Variants in PSME3IP1 observed in about 807,000 individuals in gnomAD.
PSME3IP1 encodes the protein PSME3-interacting protein.
In PSME3IP1, 13 loss-of-function variants were observed where a neutral mutation model predicts 34.1. The ratio of observed to expected loss-of-function variants is 0.38; its 90% CI spans 0.25 to 0.61. PSME3IP1 has a LOEUF of 0.61. Among genes scored for constraint, PSME3IP1 ranks in the 20% least tolerant of loss-of-function variants. The pLI is 0.60. For synonymous variants in PSME3IP1, 93 were observed against 114.3 expected (o/e 0.81, Z 1.19); for missense variants, 237 against 301.4 (o/e 0.79, Z 1.58).
At position 57,166,449 on chromosome 16, in the gene PSME3IP1, A is replaced by G. The variant is rs1240014576; in HGVS notation, c.482+644T>C. Among the ~76,000 whole-genome samples the G allele has an allele frequency of 2.0e-5, 3 of 152,168 alleles. No individual in the cohort carries two copies. The East Asian group carries it at 5.8e-4, about 29-fold the overall frequency. The stretch of plus-strand genomic sequence containing the variant: ...GGCTGCCATGTTCTTTCAGGACAGG[A>G]TGCCTTTGCAGCAGCTATTCCCTCT... On this transcript the variant is annotated intron_variant, in intron 5 of 6. Transcript: ENST00000309137.
rs746050635 is a variant in PSME3IP1, at chr16:57,154,525, A to C, written c.548-18T>G. On this transcript the variant is annotated intron_variant, in intron 6 of 6. Transcript: ENST00000309137. This position sits in a 1 kb window ranked among gnomAD's most constrained non-coding sequence, Gnocchi z 4.0. ...TGAGGGCTCTGCAATAAAAGGGGAA[A>C]GACTGTCACTTCATCACCCTTTTCC... 1 of 1,578,628 alleles carries C rather than the reference A, an allele frequency of 6.3e-7. No individual in the cohort carries two copies. The highest frequency in any genetic ancestry group is 1.2e-5 in the South Asian group (1 of 86,100).
rs774716889 is a variant in PSME3IP1, at chr16:57,167,119, C to T, written c.456G>A (p.Leu152=). Residue 152 remains leucine (L), a synonymous_variant, in exon 5 of 7, where the codon CTG becomes CTA. Transcript: ENST00000309137. Reference sequence around the variant, plus strand: ...TCTTATGCTTCACAGCTCCTGCCAACAGCTTCGCCTGGGAGAACTTGTTCT... The same window carrying T: ...TCTTATGCTTCACAGCTCCTGCCAATAGCTTCGCCTGGGAGAACTTGTTCT... ...ETKNKFSQAK[L]LAGAVKHKSS... 5 of 1,613,994 alleles carry T rather than the reference C, an allele frequency of 3.1e-6. No individual in the cohort carries two copies. Among genetic ancestry groups the T allele is most frequent in the Non-Finnish European group, 4.2e-6 (5 of 1,180,038 alleles).
intron 6 of PSME3IP1, 69 bp downstream of exon 6, chr16:57,163,932 G>A (rs1318156830): frequency 7.1e-7 from 1 of 1,413,758 alleles, no homozygotes; most frequent in African/African-American, 1.4e-5. Flanking sequence ...CAGAAGCAAT[G>A]CATTACAGCC....
At chr16:57,172,472 TAA>T in intron 3 of PSME3IP1, 100 bp from the exon 4 acceptor site, 26 of 1,146,750 alleles carry the variant, frequency 2.3e-5, no homozygotes, top group Admixed American at 5.4e-5. Context: ...TTCAGGGGAT[TAA>T]AAAAAAAAGA....
chr16:57,175,846 A>C (rs904879856), intron 1 of PSME3IP1: 2 of 152,232 alleles, frequency 1.3e-5, no homozygotes, highest in African/African-American at 2.4e-5. Context: ...CAACATTTTT[A>C]TTTAGTAAAG....
chr16:57,181,337 AG>A (rs2073692847), intron 1 of PSME3IP1, among the ~76,000 whole-genome samples: 1 of 152,132 alleles, frequency 6.6e-6, no homozygotes, highest in Non-Finnish European at 1.5e-5. Flanking sequence ...GAAAAACAGC[AG>A]TTTTTTCCAA....
chr16:57,164,196 G>GA, intron 5 of PSME3IP1, 131 bp from the exon 6 acceptor site: 1 of 705,630 alleles, frequency 1.4e-6, no homozygotes, highest in South Asian at 1.9e-5. Flanking sequence ...AAAAATGAAT[G>GA]AAAAGTATTC....
intron 5 of PSME3IP1, among the ~76,000 whole-genome samples, chr16:57,164,774 G>A (rs1426465317): frequency 6.6e-6 from 1 of 152,166 alleles, no homozygotes; most frequent in Non-Finnish European, 1.5e-5. Context: ...GCTGACGCCT[G>A]TAATCCCAGC....
intron 4 of PSME3IP1, among the ~76,000 whole-genome samples, chr16:57,168,803 C>CAAAAA (rs1189721344): frequency 4.2e-5 from 1 of 23,900 alleles, no homozygotes; most frequent in Non-Finnish European, 7.5e-5. Flanking sequence ...AACTCTGTCT[C>CAAAAA]AAAAAAAAAA....
chr16:57,174,580 G>A (rs1297580763), intron 1 of PSME3IP1: 87 of 985,174 alleles, frequency 8.8e-5, no homozygotes, highest in Non-Finnish European at 9.8e-5. Context: ...GTTTCTTCTT[G>A]AAATTCCTGT....
intron 1 of PSME3IP1, among the ~76,000 whole-genome samples, chr16:57,176,732 A>C (rs540977599): frequency 7.9e-5 from 12 of 152,244 alleles, no homozygotes; most frequent in Non-Finnish European, 1.8e-4. Context: ...GGAGAAAAAT[A>C]ATCATGTCTG....
At chr16:57,166,099 C>A (rs1187715680) in intron 5 of PSME3IP1, among the ~76,000 whole-genome samples, 1 of 152,236 alleles carries the variant, frequency 6.6e-6, no homozygotes, top group Non-Finnish European at 1.5e-5. Flanking sequence ...GACATTTTTA[C>A]ATGTAGGCAG....
chr16:57,159,651 C>A (rs998670532), intron 6 of PSME3IP1, among the ~76,000 whole-genome samples: 2 of 152,164 alleles, frequency 1.3e-5, no homozygotes, highest in African/African-American at 2.4e-5. Flanking sequence ...AAGGAGGACA[C>A]TTCCTGCCTG....
intron 4 of PSME3IP1, among the ~76,000 whole-genome samples, chr16:57,170,058 T>A (rs893571992): frequency 6.6e-5 from 10 of 150,788 alleles, no homozygotes; most frequent in Non-Finnish European, 1.0e-4. Flanking sequence ...AGGGAATCTG[T>A]CCATGTCTTC....
At chr16:57,185,682 G>A in intron 1 of PSME3IP1, 139 bp downstream of exon 1, 1 of 985,516 alleles carries the variant, frequency 1.0e-6, no homozygotes, top group South Asian at 4.7e-5. Context: ...CCCAGGCTTC[G>A]GCTACTCCGG....
chr16:57,165,034 AAAAAGAAAAAGAAAAAG>A lies in PSME3IP1; in HGVS notation c.483-986_483-970del, dbSNP rs1192561695. On this transcript the variant is annotated intron_variant, in intron 5 of 6. Coordinates refer to ENST00000309137, the MANE Select transcript of PSME3IP1 (RefSeq NM_024946.4). ...GAGTGAAACTCCAGCTCAAAAAAAAAAAAAGAAAAAGAAAAAGAAAAGAAAAAGAAAAGAGAATCAGA... is the reference window on the plus strand; with the variant it reads ...GAGTGAAACTCCAGCTCAAAAAAAAAAAAAGAAAAAGAAAAGAGAATCAGA... Among the ~76,000 whole-genome samples, 18 of 151,572 alleles carry A rather than the reference AAAAAGAAAAAGAAAAAG, an allele frequency of 1.2e-4. 1 individual carries two copies. In the East Asian group the frequency reaches 2.7e-3, roughly 23 times the overall value.
rs564395430 is a variant in PSME3IP1, at chr16:57,182,698, T to C, written c.-16+3123A>G. On this transcript the variant is annotated intron_variant, in intron 1 of 6. Transcript: ENST00000309137. The stretch of plus-strand genomic sequence containing the variant: ...ACTGAGGCAGGTGGATCACCTGAGG[T>C]CAGAAGTTCGAGACCAGCCTGACCA... Among the ~76,000 whole-genome samples the C allele has an allele frequency of 8.2e-5, 11 of 134,088 alleles. No homozygotes were observed. In the East Asian group the frequency reaches 2.4e-3, roughly 29 times the overall value. 88.0% of individuals were successfully genotyped at this position (134,088 alleles called of 152,430 possible). A position where few individuals can be genotyped will look rare whatever the true frequency, so the allele number is the denominator to read the frequency against.
At chr16:57,178,088 A>G (rs1462772557) in intron 1 of PSME3IP1, among the ~76,000 whole-genome samples, 1 of 152,252 alleles carries the variant, frequency 6.6e-6, no homozygotes, top group Non-Finnish European at 1.5e-5. Context: ...ATGGACACAC[A>G]TAGTAATAAA....
intron 1 of PSME3IP1, among the ~76,000 whole-genome samples, chr16:57,181,981 G>C (rs749232588): frequency 4.7e-4 from 71 of 152,236 alleles, no homozygotes; most frequent in Non-Finnish European, 9.3e-4. Flanking sequence ...AATTAAACCA[G>C]TGACGCTGGT....
Sources: gnomAD v4.1 joint callset for allele counts (sites outside exome capture counted in the v4.1 genomes callset) on GRCh38, gnomAD v4.1.1 for gene constraint, Gnocchi (gnomAD v3.1) non-coding constraint, MANE v1.5 for transcripts, NCBI Gene and HGNC (gene_info 2026-07-23, HGNC 2026-07-21) for gene names.